RPS6KA2: variants seen among roughly 807,000 people sequenced by gnomAD.
The protein encoded by RPS6KA2 is ribosomal protein S6 kinase alpha-2.
Under a neutral mutation model 91.8 loss-of-function variants are expected in RPS6KA2, and 42 were observed. The ratio of observed to expected loss-of-function variants is 0.46; its 90% confidence interval spans 0.36 to 0.59. RPS6KA2 has a LOEUF of 0.59. Ranked by LOEUF, RPS6KA2 falls within the 20% of genes least tolerant of loss-of-function variation. The probability of loss-of-function intolerance (pLI) is 0.00; values close to 1 mark genes in which losing one functional copy is unlikely to be tolerated. For synonymous variants in RPS6KA2, 414 were observed against 393.6 expected (o/e 1.05, Z -0.61); for missense variants, 798 against 978.5 (o/e 0.82, Z 2.46).
intron 3 of RPS6KA2, among the ~76,000 whole-genome samples, chr6:166,517,187 A>AAAAC (rs1289571314): frequency 6.6e-6 from 1 of 152,192 alleles, no homozygotes; most frequent in Non-Finnish European, 1.5e-5. Context: ...AAAACAAAAC[A>AAAAC]AAACAAAACA....
rs946351014 is a variant in RPS6KA2 at position 166,563,940 on chromosome 6, C to A, written c.100-25156G>T. Among the ~76,000 whole-genome samples the A allele has an allele frequency of 1.3e-5, 2 of 152,148 alleles. No individual in the cohort carries two copies. Among genetic ancestry groups the A allele is most frequent in the Non-Finnish European group, 2.9e-5 (2 of 68,032 alleles). ...CGTGGCAGGAAAGAGGAGACGATTA[C>A]TCCGTGTCTCAGCATGAAGAAATGG... is the stretch of plus-strand genomic sequence containing the variant. On this transcript the variant is annotated intron_variant, in intron 1 of 20. Coordinates refer to ENST00000265678, the MANE Select transcript of RPS6KA2 (RefSeq NM_021135.6). The surrounding 1 kb of genome is among the most constrained non-coding windows in gnomAD (Gnocchi z 4.1).
At chr6:166,725,144 T>C (rs539974435) in intron 2 of RPS6KA2, among the ~76,000 whole-genome samples, 27 of 152,350 alleles carry the variant, frequency 1.8e-4, no homozygotes, top group African/African-American at 6.0e-4. Context: ...TTTTTCATGG[T>C]TTTTCCATTT....
At chr6:166,745,702 G>A (rs965515910) in intron 2 of RPS6KA2, among the ~76,000 whole-genome samples, 27 of 152,100 alleles carry the variant, frequency 1.8e-4, no homozygotes, top group East Asian at 5.8e-4. Flanking sequence ...GTGCCTGGGC[G>A]CTGCGGCAAA....
intron 6 of RPS6KA2, among the ~76,000 whole-genome samples, chr6:166,502,256 A>C (rs544698848): frequency 1.3e-5 from 2 of 152,384 alleles, no homozygotes; most frequent in Non-Finnish European, 2.9e-5. Context: ...CAGAGTTAAA[A>C]AAATAACCAC....
rs896940901 is a variant in RPS6KA2, at chr6:166,852,457, A to G, written c.123+5743T>C. Among the ~76,000 whole-genome samples, 1 of 152,118 alleles carries G rather than the reference A, an allele frequency of 6.6e-6. No homozygotes were observed. The highest frequency in any genetic ancestry group is 1.5e-5 in the Non-Finnish European group (1 of 68,012). ...CTGTTTTTTTATGAGGAACAATGGAATTCTGTCTGGATTGCAGAGACATGA... is the reference window on the plus strand; with the variant it reads ...CTGTTTTTTTATGAGGAACAATGGAGTTCTGTCTGGATTGCAGAGACATGA... On this transcript the variant is annotated intron_variant, in intron 2 of 21. Transcript: ENST00000503859. This position sits in a 1 kb window ranked among gnomAD's most constrained non-coding sequence, Gnocchi z 4.1.
intron 2 of RPS6KA2, among the ~76,000 whole-genome samples, chr6:166,831,511 T>C (rs9459767): frequency 0.16 from 24,470 of 151,820 alleles, 2,148 homozygotes; most frequent in Middle Eastern, 0.19. Context: ...AAGACACTCT[T>C]GCCTTGTCCG....
chr6:166,761,657 C>T (rs1778173735), intron 2 of RPS6KA2, among the ~76,000 whole-genome samples: 1 of 152,224 alleles, frequency 6.6e-6, no homozygotes, highest in Non-Finnish European at 1.5e-5. Context: ...TTTGTGTCTT[C>T]CTCTGAAAAA....
chr6:166,753,386 G>T (rs1477506573), intron 2 of RPS6KA2, among the ~76,000 whole-genome samples: 1 of 152,142 alleles, frequency 6.6e-6, no homozygotes, highest in Non-Finnish European at 1.5e-5. Context: ...CCTCTGTAAA[G>T]AATCAATAAT....
At chr6:166,527,804 C>A (rs1783119922) in intron 3 of RPS6KA2, among the ~76,000 whole-genome samples, 1 of 152,208 alleles carries the variant, frequency 6.6e-6, no homozygotes, top group South Asian at 2.1e-4. Context: ...AATCTTAACC[C>A]GTGCGGCTTG....
At chr6:166,601,452 G>A (rs1048752843) in intron 1 of RPS6KA2, among the ~76,000 whole-genome samples, 6 of 152,214 alleles carry the variant, frequency 3.9e-5, no homozygotes, top group African/African-American at 1.2e-4. Context: ...GAAGAGCTAC[G>A]ACAATATTGA....
At chr6:166,506,667 G>A (rs901105519) in intron 5 of RPS6KA2, among the ~76,000 whole-genome samples, 1 of 152,170 alleles carries the variant, frequency 6.6e-6, no homozygotes, top group African/African-American at 2.4e-5. Flanking sequence ...AGAGGGACAG[G>A]GCAGCCATGG....
chr6:166,632,444 C>T (rs758077039), intron 2 of RPS6KA2, among the ~76,000 whole-genome samples: 5 of 152,024 alleles, frequency 3.3e-5, no homozygotes, highest in Admixed American at 6.5e-5. Flanking sequence ...GAAACCCCTT[C>T]TCTACTAAAA....
chr6:166,774,191 G>C (rs1778554236), intron 2 of RPS6KA2, among the ~76,000 whole-genome samples: 1 of 152,178 alleles, frequency 6.6e-6, no homozygotes, highest in South Asian at 2.1e-4. Context: ...TGCAAGTAAA[G>C]CTGCCAGCCA....
intron 2 of RPS6KA2, among the ~76,000 whole-genome samples, chr6:166,532,440 AG>A (rs1783314735): frequency 2.0e-5 from 3 of 152,178 alleles, no homozygotes; most frequent in Admixed American, 2.0e-4. Flanking sequence ...ACAAATAAAG[AG>A]GGACCGGGAA....
At chr6:166,613,073 A>G (rs1786246083) in intron 1 of RPS6KA2, among the ~76,000 whole-genome samples, 1 of 152,198 alleles carries the variant, frequency 6.6e-6, no homozygotes, top group Non-Finnish European at 1.5e-5. Flanking sequence ...TCAAGTCCTT[A>G]GTTAAAAGCA....
chr6:166,447,222 A>G (rs1312513916), intron 14 of RPS6KA2, among the ~76,000 whole-genome samples: 1 of 152,292 alleles, frequency 6.6e-6, no homozygotes, highest in South Asian at 2.1e-4. Flanking sequence ...ACGGGTGGAC[A>G]TTCTACCATG....
Position 166,848,201 on chromosome 6 carries a change from A to G in RPS6KA2, c.123+9999T>C, listed in dbSNP as rs113208515. Among the ~76,000 whole-genome samples the G allele has an allele frequency of 2.1e-3, 325 of 152,364 alleles. 1 individual carries two copies. The highest frequency in any genetic ancestry group is 7.5e-3 in the African/African-American group (311 of 41,584). On this transcript the variant is annotated intron_variant, in intron 2 of 21. Coordinates refer to the RPS6KA2 transcript ENST00000503859. ...TCAGGGAAATGCATATCAAAACCAC[A>G]ATGCAATATCATCTCACTCCTGCAA...
chr6:166,839,696 A>AGGGGACG (rs1433853207), intron 2 of RPS6KA2, among the ~76,000 whole-genome samples: 6 of 104,228 alleles, frequency 5.8e-5, no homozygotes, highest in African/African-American at 1.6e-4. Flanking sequence ...AGGAGAGGGG[A>AGGGGACG]GGAGAGGAGA....
Position 166,702,671 on chromosome 6 carries a change from G to A in RPS6KA2, c.123+155529C>T, listed in dbSNP as rs561660490. 8.6e-6 allele frequency: 13 copies of A among 1,511,458 alleles called. No homozygotes were observed. In the Admixed American group the frequency reaches 1.2e-4, roughly 14 times the overall value. The allele number at this position is 1,511,458 out of a possible 1,614,324, so 93.6% of individuals were successfully genotyped here. A position where few individuals can be genotyped will look rare whatever the true frequency, so the allele number is the denominator to read the frequency against. On this transcript the variant is annotated intron_variant, in intron 2 of 21. Coordinates refer to the RPS6KA2 transcript ENST00000503859. Reference sequence around the variant, plus strand: ...CCGTGCAGTTCTATTTTACCTGAAAGCGCCTCAATGGCCTTGAGGGCCCAG... The same window carrying A: ...CCGTGCAGTTCTATTTTACCTGAAAACGCCTCAATGGCCTTGAGGGCCCAG...
Sources: allele counts gnomAD v4.1 joint callset (sites outside exome capture counted in the v4.1 genomes callset), GRCh38; gene constraint gnomAD v4.1.1; non-coding constraint Gnocchi (gnomAD v3.1); transcripts MANE v1.5; gene names NCBI Gene and HGNC (gene_info 2026-07-23, HGNC 2026-07-21).